The following NCL variants were observed in gnomAD, a reference collection of about 807,000 sequenced individuals.
The protein encoded by NCL is nucleolin multifunctional protein.
Under a neutral mutation model 77.7 loss-of-function variants are expected in NCL, and 4 were observed. The observed-to-expected ratio is 0.05, with a 90% CI of 0.03 to 0.12. The LOEUF (loss-of-function observed/expected upper bound fraction) is 0.12. Among genes scored for constraint, NCL ranks in the 10% least tolerant of loss-of-function variants. The pLI, the probability that NCL is intolerant of heterozygous loss-of-function variation, is 1.00. For missense variants in NCL, 763 were observed against 860.9 expected (o/e 0.89, Z 1.42); for synonymous variants, 344 against 297.8 (o/e 1.16, Z -1.60).
At chr2:231,456,204 C>A in intron 11 of NCL, 68 bp from the exon 12 acceptor site, 1 of 1,583,298 alleles carries the variant, frequency 6.3e-7, no homozygotes. Context: ...TGCACAATGC[C>A]TAGTATGACT....
intron 1 of NCL, chr2:231,463,603 G>A (rs757099052): frequency 1.1e-4 from 46 of 400,934 alleles, no homozygotes; most frequent in Non-Finnish European, 2.2e-5. Context: ...AAGCACAACC[G>A]TGTTTTAATA....
rs748742913 is a variant in NCL at position 231,457,301 on chromosome 2, A to G, written c.1448-177T>C. On this transcript the variant is annotated intron_variant, in intron 9 of 13. Coordinates refer to ENST00000322723, the MANE Select transcript of NCL (RefSeq NM_005381.3). The stretch of plus-strand genomic sequence containing the variant: ...TATTAAGTACCTAGTACGTGTTGCA[A>G]TGTCCTGCTGGTTGTTCTTACATAG... 3.3e-6 allele frequency: 3 copies of G among 920,626 alleles called. No individual in the cohort carries two copies. The African/African-American group carries it at 4.9e-5, about 15-fold the overall frequency. The allele number at this position is 920,626 out of a possible 1,614,324, so 57.0% of individuals were successfully genotyped here.
In NCL at chr2:231,460,560, A is replaced by G; in HGVS notation, c.816T>C (p.Pro272=). 1 of 1,614,162 alleles carries G rather than the reference A, an allele frequency of 6.2e-7. No homozygotes were observed. Among genetic ancestry groups the G allele is most frequent in the Non-Finnish European group, 8.5e-7 (1 of 1,180,044 alleles). Residue 272 remains proline, a synonymous_variant, in exon 5 of 14, where the codon CCT becomes CCC. Coordinates refer to ENST00000322723, the MANE Select transcript of NCL (RefSeq NM_005381.3). ...EEEEEEEEEE[P]VKEAPGKRKK... ...TTCGTTTTCCAGGTGCTTCTTTGACAGGCTCTGGACAAGATGTCAAACAAT... is the reference window on the plus strand; with the variant it reads ...TTCGTTTTCCAGGTGCTTCTTTGACGGGCTCTGGACAAGATGTCAAACAAT...
At chr2:231,458,466 A>C in intron 7 of NCL, 77 bp from the exon 8 acceptor site, 6 of 1,509,708 alleles carry the variant, frequency 4.0e-6, no homozygotes, top group Non-Finnish European at 5.4e-6. Context: ...AGAGGGGAAA[A>C]ACACACATAG....
At position 231,457,108 on chromosome 2, in the gene NCL, C is replaced by T; in HGVS notation, c.1464G>A (p.Leu488=). 6.2e-7 allele frequency: 1 copy of T among 1,613,694 alleles called. No homozygotes were observed. The highest frequency in any genetic ancestry group is 8.5e-7 in the Non-Finnish European group (1 of 1,179,896). Residue 488 remains leucine, a synonymous_variant, in exon 10 of 14, where the codon CTG becomes CTA. Coordinates refer to ENST00000322723, the MANE Select transcript of NCL (RefSeq NM_005381.3). ...NSTWSGESKT[L]VLSNLSYSAT... ...CACTGTAGGAGAGGTTGCTTAAAACCAGAGTTTTTGATTCACCTGCAAATA... is the reference window on the plus strand; with the variant it reads ...CACTGTAGGAGAGGTTGCTTAAAACTAGAGTTTTTGATTCACCTGCAAATA...
intron 6 of NCL, among the ~76,000 whole-genome samples, chr2:231,459,791 C>A (rs1185803853): frequency 6.6e-6 from 1 of 151,890 alleles, no homozygotes; most frequent in African/African-American, 2.4e-5. Context: ...CCCGTAATCC[C>A]AGCTACTTGG....
At chr2:231,455,718 T>C in intron 12 of NCL, 94 bp from the exon 13 acceptor site, 4 of 1,409,110 alleles carry the variant, frequency 2.8e-6, no homozygotes, top group Non-Finnish European at 4.0e-6. Flanking sequence ...CCACAGAAAG[T>C]AGCCTTGTTT....
rs775938657 is a variant in NCL, at chr2:231,456,777, A to G, written c.1572-13T>C. 6.2e-7 allele frequency: 1 copy of G among 1,614,006 alleles called. No individual in the cohort carries two copies. Among genetic ancestry groups the G allele is most frequent in the Non-Finnish European group, 8.5e-7 (1 of 1,179,908 alleles). On this transcript the variant is annotated splice_polypyrimidine_tract_variant and intron_variant, in intron 10 of 13. Coordinates refer to ENST00000322723, the MANE Select transcript of NCL (RefSeq NM_005381.3). ...TATAAATGCATACCTGAGGATGAAC[A>G]GTTAATGCTTAGAGTAAGTTACCAG...
rs927266353 is a variant in NCL at position 231,454,135 on chromosome 2, T to C, written c.*1056A>G. 1 of 152,280 alleles carries C rather than the reference T, an allele frequency of 6.6e-6. No individual in the cohort carries two copies. Among genetic ancestry groups the C allele is most frequent in the African/African-American group, 2.4e-5 (1 of 41,436 alleles). 9.4% of individuals were successfully genotyped at this position (152,280 alleles called of 1,614,324 possible). ...TCCAAAGTGTCCACTGGTCTATCCA[T>C]CTAGCGTGAGTTCTATTCCAGAACT... On this transcript the variant is annotated 3_prime_UTR_variant, in exon 14 of 14. Coordinates refer to ENST00000322723, the MANE Select transcript of NCL (RefSeq NM_005381.3).
At chr2:231,456,514 A>G in intron 11 of NCL, 117 bp downstream of exon 11, 1 of 1,445,162 alleles carries the variant, frequency 6.9e-7, no homozygotes, top group Non-Finnish European at 9.7e-7. Flanking sequence ...GTAATCAGTC[A>G]TCATATCCAG....
intron 7 of NCL, 84 bp from the exon 8 acceptor site, chr2:231,458,473 A>ATAGC: frequency 1.3e-6 from 2 of 1,482,354 alleles, no homozygotes; most frequent in Non-Finnish European, 1.8e-6. Flanking sequence ...AAAAACACAC[A>ATAGC]TAGCTCTATT....
rs1324432241 is a variant in NCL at position 231,460,720 on chromosome 2, C to T, written c.760G>A (p.Glu254Lys). 2 of 1,612,144 alleles carry T rather than the reference C, an allele frequency of 1.2e-6. No homozygotes were observed. The highest frequency in any genetic ancestry group is 1.3e-5 in the African/African-American group (1 of 74,794). The change falls in exon 4 of 14, where the codon GAA becomes AAA. Residue 254 changes from glutamate (E) to lysine (K), a missense_variant. By Grantham distance (56) the Glu-to-Lys change is moderately conservative (BLOSUM62 1). This residue lies in a region of NCL where 590 missense variants were observed against 570.5 expected (regional missense o/e 1.03). Transcript: ENST00000322723. The stretch of plus-strand genomic sequence containing the variant: ...TCATCATCTTCATCATCATCATCTT[C>T]ATCATCTTCGTCGTCGTCGTCATCC... ...DEDDDDDEDD[E>K]DDDDEDDEEE... is the part of the protein sequence containing the mutation.
intron 6 of NCL, 117 bp from the exon 7 acceptor site, chr2:231,459,242 C>A: frequency 1.7e-6 from 2 of 1,171,106 alleles, no homozygotes; most frequent in East Asian, 2.9e-5. Context: ...AAAAAGCACC[C>A]CTAGTATTAG....
chr2:231,458,536 G>A lies in NCL; in HGVS notation c.1166-147C>T, dbSNP rs142849599. The A allele has an allele frequency of 3.0e-6, 3 of 1,000,358 alleles. No individual in the cohort carries two copies. In the East Asian group the frequency reaches 7.9e-5, roughly 26 times the overall value. 62.0% of individuals were successfully genotyped at this position (1,000,358 alleles called of 1,614,324 possible). On this transcript the variant is annotated intron_variant, in intron 7 of 13. Coordinates refer to ENST00000322723, the MANE Select transcript of NCL (RefSeq NM_005381.3). ...TACAAGGCTCGGTGCTAAATATGGA[G>A]ATATAGCAGTGTCAACACACAAGTG... is the stretch of plus-strand genomic sequence containing the variant.
chr2:231,456,769 G>A lies in NCL; in HGVS notation c.1572-5C>T, dbSNP rs772980463. ...GCAAACTCTATAAATGCATACCTGA[G>A]GATGAACAGTTAATGCTTAGAGTAA... is the stretch of plus-strand genomic sequence containing the variant. On this transcript the variant is annotated splice_polypyrimidine_tract_variant and splice_region_variant and intron_variant, in intron 10 of 13. Transcript: ENST00000322723. 1.2e-6 allele frequency: 2 copies of A among 1,614,046 alleles called. No homozygotes were observed. The highest frequency in any genetic ancestry group is 1.7e-6 in the Non-Finnish European group (2 of 1,179,990).
In NCL at chr2:231,461,857, G is replaced by A. The variant is rs779026377; in HGVS notation, c.296C>T (p.Thr99Ile). The part of the protein sequence containing the change: ...AAATPAKKTV[T>I]PAKAVTTPGK... ...AGGTGTGGTAACTGCTTTGGCTGGT[G>A]TAACTGTCTTCTTGGCAGGTGTTGC... The change falls in exon 3 of 14, where the codon ACA (threonine) becomes ATA (isoleucine). Residue 99 changes from threonine (T) to isoleucine (I), a missense_variant. By Grantham distance (89) the Thr-to-Ile change is moderately conservative (BLOSUM62 -1). Coordinates refer to ENST00000322723, the MANE Select transcript of NCL (RefSeq NM_005381.3). 5.0e-6 allele frequency: 8 copies of A among 1,614,116 alleles called. No individual in the cohort carries two copies. The highest frequency in any genetic ancestry group is 2.7e-5 in the African/African-American group (2 of 74,944).
chr2:231,461,970 T>G lies in NCL; in HGVS notation c.183A>C (p.Ala61=). 1 of 1,614,256 alleles carries G rather than the reference T, an allele frequency of 6.2e-7. No individual in the cohort carries two copies. The highest frequency in any genetic ancestry group is 8.5e-7 in the Non-Finnish European group (1 of 1,180,046). The change falls in exon 3 of 14, where the codon GCA becomes GCC. Residue 61 remains alanine (A), a synonymous_variant. Coordinates refer to ENST00000322723, the MANE Select transcript of NCL (RefSeq NM_005381.3). ...KKGKKAAATS[A]KKVVVSPTKK... ...TTGTTGGGGAAACGACCACCTTCTT[T>G]GCTGAGGTTGCAGCAGCCTTCTTGC...
At chr2:231,462,482 C>CA (rs1329936995) in intron 2 of NCL, 6 of 471,232 alleles carry the variant, frequency 1.3e-5, no homozygotes, top group South Asian at 6.0e-5. Flanking sequence ...GGACCTGAGA[C>CA]AAAAAATGAA....
intron 6 of NCL, 34 bp from the exon 7 acceptor site, chr2:231,459,159 G>A (rs1281065214): frequency 9.3e-6 from 14 of 1,511,998 alleles, no homozygotes; most frequent in Non-Finnish European, 1.2e-5. Flanking sequence ...AATTACAACA[G>A]GTGAAAACAC....
Sources: allele counts gnomAD v4.1 joint callset (sites outside exome capture counted in the v4.1 genomes callset), GRCh38; gene constraint gnomAD v4.1.1; regional missense constraint gnomAD v4.1.1; transcripts MANE v1.5; gene names NCBI Gene and HGNC (gene_info 2026-07-23, HGNC 2026-07-21).